ARHGEF10: variants seen among roughly 807,000 people sequenced by gnomAD.
ARHGEF10 encodes Rho guanine nucleotide exchange factor (GEF) 10.
Under a neutral mutation model 147.4 loss-of-function variants are expected in ARHGEF10, and 140 were observed. That is an observed-to-expected ratio of 0.95 (90% CI 0.83 to 1.09). The LOEUF is 1.09. Ranked by LOEUF, ARHGEF10 falls within the 50% of genes least tolerant of loss-of-function variation. The probability of loss-of-function intolerance (pLI) is 0.00; values close to 1 mark genes in which losing one functional copy is unlikely to be tolerated. For synonymous variants in ARHGEF10, 902 were observed against 695.8 expected (o/e 1.30, Z -4.67); for missense variants, 2,222 against 1,752.7 (o/e 1.27, Z -4.78).
chr8:1,879,492 A>C (rs1268758313), intron 8 of ARHGEF10, among the ~76,000 whole-genome samples: 1 of 151,816 alleles, frequency 6.6e-6, no homozygotes, highest in Non-Finnish European at 1.5e-5. Context: ...AGAAGACCCT[A>C]GCCTGGTGTC....
intron 2 of ARHGEF10, among the ~76,000 whole-genome samples, chr8:1,848,779 C>CT (rs149956098): frequency 2.0e-5 from 3 of 151,442 alleles, no homozygotes; most frequent in Non-Finnish European, 4.4e-5. Context: ...TAGAAGTAGT[C>CT]TTTTTTTTTC....
At chr8:1,893,684 A>G (rs1217250130) in intron 12 of ARHGEF10, 38 bp downstream of exon 12, 5 of 1,395,146 alleles carry the variant, frequency 3.6e-6, no homozygotes, top group South Asian at 2.3e-5. Flanking sequence ...ATACATTTCT[A>G]TTATTCTTTT....
chr8:1,844,352 GAT>G (rs1804343039), intron 2 of ARHGEF10, among the ~76,000 whole-genome samples: 4 of 152,164 alleles, frequency 2.6e-5, no homozygotes, highest in South Asian at 2.1e-4. Flanking sequence ...GGGCCTGGTA[GAT>G]GACAAAGACA....
intron 10 of ARHGEF10, among the ~76,000 whole-genome samples, chr8:1,885,144 A>G (rs754703226): frequency 8.5e-5 from 13 of 152,200 alleles, no homozygotes; most frequent in Non-Finnish European, 1.5e-4. Flanking sequence ...GAGACAGAAG[A>G]AATATACTAA....
chr8:1,826,078 G>T (rs1447965637), intron 1 of ARHGEF10: 2 of 1,588,840 alleles, frequency 1.3e-6, no homozygotes, highest in South Asian at 2.2e-5. Flanking sequence ...AGCCAACATC[G>T]GCAGTTACGG....
intron 28 of ARHGEF10, among the ~76,000 whole-genome samples, chr8:1,956,089 C>A (rs543062704): frequency 6.6e-6 from 1 of 152,204 alleles, no homozygotes; most frequent in Non-Finnish European, 1.5e-5. Flanking sequence ...TGTCATGTCA[C>A]CCACAAAGCA....
intron 11 of ARHGEF10, among the ~76,000 whole-genome samples, chr8:1,888,803 CACTG>C (rs143511852): frequency 1.7e-5 from 1 of 58,890 alleles, no homozygotes; most frequent in East Asian, 1.1e-3. Context: ...TGTGAGGAGA[CACTG>C]AGTGGGGTGA....
At chr8:1,869,703 C>T (rs1204951706) in intron 7 of ARHGEF10, 1 of 302,586 alleles carries the variant, frequency 3.3e-6, no homozygotes, top group Non-Finnish European at 6.4e-6. Flanking sequence ...ACACGTTGAT[C>T]CATACCTAGG....
rs1462578060 is a variant in ARHGEF10 at position 1,839,155 on chromosome 8, TC to T, written c.-47-4196del. Among the ~76,000 whole-genome samples, 92 of 145,024 alleles carry T rather than the reference TC, an allele frequency of 6.3e-4. 6 individuals are homozygous for T. Among genetic ancestry groups the T allele is most frequent in the East Asian group, 1.5e-3 (7 of 4,668 alleles). On this transcript the variant is annotated intron_variant, in intron 1 of 28. Coordinates refer to ENST00000349830, the MANE Select transcript of ARHGEF10 (RefSeq NM_014629.4). ...TGGAAACTGTCTGGTATGGGGACTG[TC>T]CGGTGTGGGGACAGTCTGGTGTGGG...
intron 4 of ARHGEF10, among the ~76,000 whole-genome samples, chr8:1,862,954 A>ATT (rs541558394): frequency 6.9e-6 from 1 of 144,840 alleles, no homozygotes. Flanking sequence ...AATTTTTTGT[A>ATT]TTTTTTTTTT....
At chr8:1,922,109 G>A (rs937126292) in intron 18 of ARHGEF10, among the ~76,000 whole-genome samples, 4 of 151,978 alleles carry the variant, frequency 2.6e-5, no homozygotes, top group African/African-American at 2.4e-5. Flanking sequence ...CTGTGGGCCC[G>A]TCGTGGGATT....
chr8:1,835,325 C>T (rs1295618935), intron 1 of ARHGEF10, among the ~76,000 whole-genome samples: 2 of 152,198 alleles, frequency 1.3e-5, no homozygotes, highest in East Asian at 3.9e-4. Context: ...TGAAACCACG[C>T]GGCAGCCCTG....
rs777301616 is a variant in ARHGEF10 at position 1,896,359 on chromosome 8, A to G, written c.1467A>G (p.Ala489=). 6.8e-6 allele frequency: 11 copies of G among 1,614,032 alleles called. No individual in the cohort carries two copies. Among genetic ancestry groups the G allele is most frequent in the African/African-American group, 1.3e-5 (1 of 75,036 alleles). Residue 489 remains alanine, a synonymous_variant, in exon 14 of 29, where the codon GCA becomes GCG. Transcript: ENST00000349830. ...ASFSKSMVLD[A]YSEYVNNFST... ...TTTCTAAGTCCATGGTGCTGGATGCATACAGTGAATATGTGAACAATTTCA... is the reference window on the plus strand; with the variant it reads ...TTTCTAAGTCCATGGTGCTGGATGCGTACAGTGAATATGTGAACAATTTCA...
chr8:1,953,179 G>A (rs1309362972), intron 28 of ARHGEF10, among the ~76,000 whole-genome samples: 3 of 146,226 alleles, frequency 2.1e-5, no homozygotes, highest in African/African-American at 5.5e-5. Context: ...CGGGATCTCC[G>A]TCATTCCTTT....
Position 1,957,580 on chromosome 8 carries a change from A to C in ARHGEF10, c.*317A>C. On this transcript the variant is annotated 3_prime_UTR_variant, in exon 29 of 29. Coordinates refer to ENST00000349830, the MANE Select transcript of ARHGEF10 (RefSeq NM_014629.4). The stretch of plus-strand genomic sequence containing the variant: ...TCCATATGTGAATACTAAATGTTAA[A>C]CTTCATCAGCGTCAGACCTATTGTA... 1 of 412,398 alleles carries C rather than the reference A, an allele frequency of 2.4e-6. No homozygotes were observed. Among genetic ancestry groups the C allele is most frequent in the Non-Finnish European group, 4.4e-6 (1 of 228,492 alleles). 25.5% of individuals were successfully genotyped at this position (412,398 alleles called of 1,614,324 possible). A position where few individuals can be genotyped will look rare whatever the true frequency, so the allele number is the denominator to read the frequency against.
intron 25 of ARHGEF10, 71 bp downstream of exon 25, chr8:1,929,514 CT>C (rs1207876755): frequency 1.7e-5 from 25 of 1,499,570 alleles, no homozygotes; most frequent in Non-Finnish European, 2.0e-5. Flanking sequence ...CCGGTTTAGC[CT>C]CCCCACCTCC....
At chr8:1,886,122 C>G (rs1055569695) in intron 11 of ARHGEF10, among the ~76,000 whole-genome samples, 2 of 152,124 alleles carry the variant, frequency 1.3e-5, no homozygotes, top group African/African-American at 4.8e-5. Context: ...TTTTCAGTAA[C>G]TAATTAAATC....
chr8:1,858,616 C>T (rs569962629), intron 3 of ARHGEF10: 20 of 156,308 alleles, frequency 1.3e-4, no homozygotes, highest in Admixed American at 6.9e-4. Context: ...GTAGAGGTTT[C>T]GCTTTCTAAG....
chr8:1,839,557 G>A lies in ARHGEF10; in HGVS notation c.-47-3796G>A, dbSNP rs550314136. 1.1e-3 allele frequency among the ~76,000 whole-genome samples: 153 copies of A among 142,514 alleles called. 2 individuals carry two copies. Among genetic ancestry groups the A allele is most frequent in the African/African-American group, 3.9e-3 (144 of 36,594 alleles). The allele number at this position is 142,514 out of a possible 152,430, so 93.5% of individuals were successfully genotyped here. On this transcript the variant is annotated intron_variant, in intron 1 of 28. Transcript: ENST00000349830. ...GGACTGTCTGGTGTGGAAGCTGTCT[G>A]GTGTGGGGAGTGTCTGGTGTGGAAG...
Sources: allele counts gnomAD v4.1 joint callset (sites outside exome capture counted in the v4.1 genomes callset), GRCh38; gene constraint gnomAD v4.1.1; transcripts MANE v1.5; gene names NCBI Gene and HGNC (gene_info 2026-07-23, HGNC 2026-07-21).